TRAK2: variants seen among roughly 807,000 people sequenced by gnomAD.
TRAK2 encodes the protein trafficking kinesin-binding protein 2.
Under a neutral mutation model 104.6 loss-of-function variants are expected in TRAK2, and 81 were observed. The observed-to-expected ratio is 0.77, with a 90% CI of 0.65 to 0.93. The LOEUF (loss-of-function observed/expected upper bound fraction) is 0.93, where lower values mean the gene tolerates loss of function less well. TRAK2 is among the 40% of genes least tolerant of loss of function. TRAK2 has a pLI of 0.00. For missense variants in TRAK2, 1,002 were observed against 1,089.0 expected (o/e 0.92, Z 1.12); for synonymous variants, 406 against 394.4 (o/e 1.03, Z -0.35).
intron 3 of TRAK2, among the ~76,000 whole-genome samples, chr2:201,404,737 A>C (rs1016489250): frequency 6.6e-6 from 1 of 152,208 alleles, no homozygotes; most frequent in Non-Finnish European, 1.5e-5. Context: ...CTAATCTTGC[A>C]GCACTCTCCA....
At chr2:201,413,596 A>G (rs1267019319) in intron 2 of TRAK2, among the ~76,000 whole-genome samples, 1 of 152,136 alleles carries the variant, frequency 6.6e-6, no homozygotes, top group African/African-American at 2.4e-5. Flanking sequence ...TTGCTATAGT[A>G]TCTAAATAAT....
At chr2:201,381,251 G>A (rs914610168) in intron 15 of TRAK2, 33 bp from the exon 16 acceptor site, 5 of 1,540,866 alleles carry the variant, frequency 3.2e-6, no homozygotes, top group African/African-American at 2.8e-5. Context: ...GGGAGACAGT[G>A]TTTAAGAATA....
intron 1 of TRAK2, among the ~76,000 whole-genome samples, chr2:201,427,986 T>C (rs921624378): frequency 2.0e-5 from 3 of 152,246 alleles, no homozygotes; most frequent in Admixed American, 6.5e-5. Flanking sequence ...TGTCTATTCG[T>C]ATCCTTTGCC....
chr2:201,424,132 C>A (rs920638759), intron 1 of TRAK2, among the ~76,000 whole-genome samples: 1 of 152,036 alleles, frequency 6.6e-6, no homozygotes, highest in Non-Finnish European at 1.5e-5. Flanking sequence ...TGAATCAAAC[C>A]AATAAAGAGT....
chr2:201,430,492 C>T (rs550959571), intron 1 of TRAK2, among the ~76,000 whole-genome samples: 4 of 152,340 alleles, frequency 2.6e-5, no homozygotes, highest in Admixed American at 6.5e-5. Flanking sequence ...TTGAGCTTCC[C>T]GGCTTCTTTG....
intron 2 of TRAK2, among the ~76,000 whole-genome samples, chr2:201,416,983 A>G (rs950139108): frequency 6.8e-5 from 10 of 146,504 alleles, no homozygotes; most frequent in South Asian, 2.2e-4. Flanking sequence ...AATACTGCAA[A>G]TAGAAAGTAC....
Position 201,384,182 on chromosome 2 carries a change from GCA to G in TRAK2, c.1996_1997del (p.Cys666HisfsTer11). On this transcript the variant is annotated frameshift_variant, in exon 15 of 16. Coordinates refer to ENST00000332624, the MANE Select transcript of TRAK2 (RefSeq NM_015049.3). LOFTEE classifies it high-confidence loss of function. Reference sequence around the variant, plus strand: ...TGGTGAAAGTGAATGTTGAGTTTGTGCACGACAGGCACTTTCCTGGGTTGGCG... The same window carrying G: ...TGGTGAAAGTGAATGTTGAGTTTGTGCGACAGGCACTTTCCTGGGTTGGCG... Reference protein sequence around the residue: ...ATANPGKCLSCTNSTFTFTTC... With the variant: ...ATANPGKCLSXTNSTFTFTTC... 1 of 1,613,402 alleles carries G rather than the reference GCA, an allele frequency of 6.2e-7. No homozygotes were observed.
In TRAK2 at chr2:201,429,920, T is replaced by C. The variant is rs142879855; in HGVS notation, c.-199-9214A>G. ...AGATGCATTCCTTTGGAAGAGAAGATTTTTGGAATTTTCAGCTTTTTTGCT... is the reference window on the plus strand; with the variant it reads ...AGATGCATTCCTTTGGAAGAGAAGACTTTTGGAATTTTCAGCTTTTTTGCT... On this transcript the variant is annotated intron_variant, in intron 1 of 15. Coordinates refer to ENST00000332624, the MANE Select transcript of TRAK2 (RefSeq NM_015049.3). Among the ~76,000 whole-genome samples, 13 of 152,310 alleles carry C rather than the reference T, an allele frequency of 8.5e-5. No individual in the cohort carries two copies. The East Asian group carries it at 2.5e-3, about 29-fold the overall frequency.
chr2:201,384,263 T>A, intron 14 of TRAK2, 47 bp from the exon 15 acceptor site: 1 of 1,325,418 alleles, frequency 7.5e-7, no homozygotes, highest in Non-Finnish European at 1.1e-6. Flanking sequence ...AAGTCTAGAT[T>A]AATAATGTAA....
At chr2:201,392,309 T>C (rs1414463836) in intron 10 of TRAK2, among the ~76,000 whole-genome samples, 4 of 152,160 alleles carry the variant, frequency 2.6e-5, no homozygotes, top group Non-Finnish European at 5.9e-5. Context: ...TTTAAGAAAA[T>C]CTACTAAAAT....
At chr2:201,448,509 CT>C (rs1951983009) in intron 1 of TRAK2, among the ~76,000 whole-genome samples, 1 of 152,168 alleles carries the variant, frequency 6.6e-6, no homozygotes, top group African/African-American at 2.4e-5. Context: ...TAATTTAGTT[CT>C]TTTAATTACT....
At chr2:201,401,306 C>T (rs916650944) in intron 3 of TRAK2, among the ~76,000 whole-genome samples, 1 of 152,092 alleles carries the variant, frequency 6.6e-6, no homozygotes, top group South Asian at 2.1e-4. Context: ...GTATACCACA[C>T]AATAATTAAG....
intron 2 of TRAK2, among the ~76,000 whole-genome samples, chr2:201,414,035 C>A (rs982419310): frequency 6.6e-6 from 1 of 152,152 alleles, no homozygotes; most frequent in African/African-American, 2.4e-5. Flanking sequence ...AAATAAAGAT[C>A]ATTTATCACA....
intron 1 of TRAK2, among the ~76,000 whole-genome samples, chr2:201,442,605 C>A (rs142878398): frequency 6.6e-6 from 1 of 152,314 alleles, no homozygotes; most frequent in African/African-American, 2.4e-5. Flanking sequence ...ACTCCACAGG[C>A]ACGCCCCCCA....
At chr2:201,438,095 G>A (rs1224647511) in intron 1 of TRAK2, among the ~76,000 whole-genome samples, 2 of 152,138 alleles carry the variant, frequency 1.3e-5, no homozygotes, top group African/African-American at 4.8e-5. Flanking sequence ...CAATTGAAGA[G>A]GAGACACCAC....
In TRAK2 at chr2:201,378,335, G is replaced by A. The variant is rs1448345101; in HGVS notation, c.*2208C>T. 3 of 152,120 alleles carry A rather than the reference G, an allele frequency of 2.0e-5. No individual in the cohort carries two copies. In the East Asian group the frequency reaches 5.8e-4, roughly 29 times the overall value. The allele number at this position is 152,120 out of a possible 1,614,324, so 9.4% of individuals were successfully genotyped here. ...AAGTATACAAATTATACTCAATACA[G>A]AGCACGGCAAGATCTAGTTCAATTT... On this transcript the variant is annotated 3_prime_UTR_variant, in exon 16 of 16. Coordinates refer to ENST00000332624, the MANE Select transcript of TRAK2 (RefSeq NM_015049.3).
chr2:201,428,324 C>A (rs1951808457), intron 1 of TRAK2, among the ~76,000 whole-genome samples: 1 of 152,118 alleles, frequency 6.6e-6, no homozygotes, highest in African/African-American at 2.4e-5. Context: ...AGTATTTAAT[C>A]CATCTTGAAT....
chr2:201,394,701 A>G, intron 9 of TRAK2, 97 bp downstream of exon 9: 1 of 1,023,878 alleles, frequency 9.8e-7, no homozygotes, highest in South Asian at 1.5e-5. Context: ...TGTTTTTTAA[A>G]TCTGGTAATT....
intron 12 of TRAK2, among the ~76,000 whole-genome samples, chr2:201,388,536 A>T (rs1951413361): frequency 6.6e-6 from 1 of 152,182 alleles, no homozygotes; most frequent in African/African-American, 2.4e-5. Flanking sequence ...GAAACAACAA[A>T]ATTTGTATAT....
Sources: allele counts gnomAD v4.1 joint callset (sites outside exome capture counted in the v4.1 genomes callset), GRCh38; gene constraint gnomAD v4.1.1; transcripts MANE v1.5; gene names NCBI Gene and HGNC (gene_info 2026-07-23, HGNC 2026-07-21).